Variants in CDC25B observed in about 807,000 individuals in gnomAD.
The protein encoded by CDC25B is cell division cycle 25B, also known as M-phase inducer phosphatase 2.
In CDC25B, 33 loss-of-function variants were observed where a neutral mutation model predicts 69.8. The ratio of observed to expected loss-of-function variants is 0.47; its 90% CI spans 0.36 to 0.63. The LOEUF is 0.63. CDC25B is among the 30% of genes least tolerant of loss of function. The pLI is 0.00. For synonymous variants in CDC25B, 341 were observed against 314.6 expected (o/e 1.08, Z -0.89); for missense variants, 727 against 809.1 (o/e 0.90, Z 1.23).
intron 5 of CDC25B, 110 bp from the exon 6 acceptor site, chr20:3,800,633 G>T: frequency 6.3e-7 from 1 of 1,589,978 alleles, no homozygotes; most frequent in African/African-American, 1.3e-5. Context: ...TTCAGAGGTA[G>T]GTAGGTAAGT....
chr20:3,790,164 AAAAG>A (rs1032997445), intron 1 of CDC25B, among the ~76,000 whole-genome samples: 5 of 152,038 alleles, frequency 3.3e-5, no homozygotes, highest in South Asian at 2.1e-4. Context: ...GAAAGGAGGA[AAAAG>A]AAAGAAGGAA....
At chr20:3,797,860 G>T in intron 2 of CDC25B, 111 bp downstream of exon 2, 10 of 1,331,740 alleles carry the variant, frequency 7.5e-6, no homozygotes, top group South Asian at 1.3e-5. Context: ...CCCACAACCT[G>T]GTGGGCCCAG....
chr20:3,803,544 C>T lies in CDC25B; in HGVS notation c.1490+7C>T, dbSNP rs778155394. On this transcript the variant is annotated splice_region_variant and intron_variant, in intron 14 of 15. Transcript: ENST00000245960. The surrounding 1 kb of genome is among the most constrained non-coding windows in gnomAD (Gnocchi z 4.9). Reference sequence around the variant, plus strand: ...CTGAGCGTGGGCCCCGCATGTGAGTCCCAGCTCCGCCCAGCCAGCTAGTGT... The same window carrying T: ...CTGAGCGTGGGCCCCGCATGTGAGTTCCAGCTCCGCCCAGCCAGCTAGTGT... The T allele has an allele frequency of 1.2e-5, 20 of 1,613,860 alleles. No homozygotes were observed. Among genetic ancestry groups the T allele is most frequent in the Middle Eastern group, 1.7e-4 (1 of 6,060 alleles).
chr20:3,800,208 C>CCAGGA (rs1568506789), intron 3 of CDC25B, 80 bp from the exon 4 acceptor site: 17 of 577,860 alleles, frequency 2.9e-5, no homozygotes, highest in Non-Finnish European at 4.0e-5. Flanking sequence ...CTTACTCCCC[C>CCAGGA]CTGGACTGGG....
intron 3 of CDC25B, among the ~76,000 whole-genome samples, chr20:3,799,588 A>G (rs1345467107): frequency 6.0e-5 from 9 of 150,236 alleles, no homozygotes; most frequent in Non-Finnish European, 1.2e-4. Context: ...AACACGGCTG[A>G]GGGGGCGGGG....
At chr20:3,801,890 G>C (rs756850463) in intron 9 of CDC25B, 34 bp from the exon 10 acceptor site, 1 of 1,592,214 alleles carries the variant, frequency 6.3e-7, no homozygotes, top group Non-Finnish European at 8.6e-7. Context: ...ACGGGGCCTG[G>C]GCACCCTGAT....
In CDC25B at chr20:3,803,414, A is replaced by G; in HGVS notation, c.1367A>G (p.Asn456Ser). The stretch of plus-strand genomic sequence containing the variant: ...TGGCTCCTCTGACAGACTGCGGTGA[A>G]CTTGCCCCTGGAACGCGACGCCGAG... ...YEGGHIKTAVNLPLERDAESF... is the reference protein window; with the variant it reads ...YEGGHIKTAVSLPLERDAESF... The change falls in exon 14 of 16, where the codon AAC (asparagine) becomes AGC (serine). Residue 456 changes from asparagine (N) to serine (S), a missense_variant. Around this residue, in one of 2 missense-constraint regions of CDC25B, gnomAD observed 359 missense variants for 463.4 expected, o/e 0.77. Coordinates refer to ENST00000245960, the MANE Select transcript of CDC25B (RefSeq NM_021873.4). This position sits in a 1 kb window ranked among gnomAD's most constrained non-coding sequence, Gnocchi z 4.9. The G allele has an allele frequency of 6.2e-7, 1 of 1,613,976 alleles. No homozygotes were observed. Among genetic ancestry groups the G allele is most frequent in the Non-Finnish European group, 8.5e-7 (1 of 1,179,976 alleles).
intron 9 of CDC25B, 36 bp from the exon 10 acceptor site, chr20:3,801,888 T>A (rs1211751227): frequency 6.3e-7 from 1 of 1,591,484 alleles, no homozygotes. Flanking sequence ...GGACGGGGCC[T>A]GGGCACCCTG....
chr20:3,794,992 C>T (rs898628533), upstream of CDC25B, among the ~76,000 whole-genome samples: 6 of 152,200 alleles, frequency 3.9e-5, no homozygotes, highest in Non-Finnish European at 8.8e-5. Context: ...CACTACCCAC[C>T]GGCTTTTGGG....
chr20:3,802,267 G>A lies in CDC25B; in HGVS notation c.1099-14G>A. 6.2e-7 allele frequency: 1 copy of A among 1,608,886 alleles called. No homozygotes were observed. Among genetic ancestry groups the A allele is most frequent in the South Asian group, 1.1e-5 (1 of 91,006 alleles). ...CCCACCCTGACCCTGGCCTCCATCTGACTCACTTTCCAGAAAGCCCGCGTC... is the reference window on the plus strand; with the variant it reads ...CCCACCCTGACCCTGGCCTCCATCTAACTCACTTTCCAGAAAGCCCGCGTC... On this transcript the variant is annotated splice_polypyrimidine_tract_variant and intron_variant, in intron 10 of 15. Transcript: ENST00000245960.
intron 8 of CDC25B, 154 bp downstream of exon 8, chr20:3,801,542 T>G: frequency 8.9e-7 from 1 of 1,129,522 alleles, no homozygotes; most frequent in Non-Finnish European, 1.3e-6. Context: ...CTCTGGCCAA[T>G]GAGAGAAGAA....
At chr20:3,797,299 G>A (rs4815605) in intron 1 of CDC25B, among the ~76,000 whole-genome samples, 96,894 of 152,078 alleles carry the variant, frequency 0.64, 31,878 homozygotes, top group African/African-American at 0.81. Flanking sequence ...ACAGTTTAGG[G>A]GAAGGCTCTC....
At chr20:3,794,805 C>G (rs1357248619), upstream of CDC25B, among the ~76,000 whole-genome samples, 2 of 152,166 alleles carry the variant, frequency 1.3e-5, no homozygotes, top group Non-Finnish European at 2.9e-5. Flanking sequence ...CCACCCAGCC[C>G]CCCATCACCA....
At chr20:3,789,905 C>T (rs2088885011) in intron 1 of CDC25B, among the ~76,000 whole-genome samples, 1 of 151,764 alleles carries the variant, frequency 6.6e-6, no homozygotes, top group East Asian at 2.0e-4. Context: ...AGGAGAGTGG[C>T]GTGAACCCGG....
At chr20:3,798,263 T>G in intron 2 of CDC25B, 149 bp from the exon 3 acceptor site, 1 of 478,740 alleles carries the variant, frequency 2.1e-6, no homozygotes. Context: ...TCAGGGTCCA[T>G]GGTTGGGTTT....
rs780896337 is a variant in CDC25B, at chr20:3,801,437, G to A, written c.840+49G>A. The A allele has an allele frequency of 9.6e-5, 148 of 1,543,988 alleles. 2 individuals carry two copies. The highest frequency in any genetic ancestry group is 2.9e-4 in the South Asian group (23 of 80,494). ...CCCCTACCTTCCTATCCCTGGGTTC[G>A]CCCAAAAGAAGAGAGCTCTGAGCCC... On this transcript the variant is annotated intron_variant, in intron 8 of 15. Coordinates refer to ENST00000245960, the MANE Select transcript of CDC25B (RefSeq NM_021873.4).
In CDC25B at chr20:3,800,859, G is replaced by C; in HGVS notation, c.576G>C (p.Lys192Asn). Reference sequence around the variant, plus strand: ...CTGCCAGCAGCTCTGGGGAAGACAAGGAGAATGTGCGCTTCTGGAAGGCCG... The same window carrying C: ...CTGCCAGCAGCTCTGGGGAAGACAACGAGAATGTGCGCTTCTGGAAGGCCG... ...SGAASSSGED[K>N]ENDGFVFKMP... Residue 192 changes from lysine (K) to asparagine (N), a missense_variant, in exon 6 of 16, where the codon AAG becomes AAC. Around this residue, in one of 2 missense-constraint regions of CDC25B, gnomAD observed 368 missense variants for 345.6 expected, o/e 1.06. Coordinates refer to ENST00000245960, the MANE Select transcript of CDC25B (RefSeq NM_021873.4). 1.9e-6 allele frequency: 3 copies of C among 1,613,894 alleles called. No homozygotes were observed. The highest frequency in any genetic ancestry group is 2.5e-6 in the Non-Finnish European group (3 of 1,179,996).
rs561674811 is a variant in CDC25B, at chr20:3,805,290, C to T, written c.*329C>T. 3.1e-5 allele frequency: 11 copies of T among 359,196 alleles called. No homozygotes were observed. The East Asian group carries it at 3.2e-4, about 10-fold the overall frequency. 22.3% of individuals were successfully genotyped at this position (359,196 alleles called of 1,614,324 possible). A position where few individuals can be genotyped will look rare whatever the true frequency, so the allele number is the denominator to read the frequency against. On this transcript the variant is annotated 3_prime_UTR_variant, in exon 16 of 16. Coordinates refer to ENST00000245960, the MANE Select transcript of CDC25B (RefSeq NM_021873.4). ...CCCTTCATCTTCCTGTGTCCTGAAA[C>T]GCTCCTTTGTGTGTGTGTCAGCTGA... is the stretch of plus-strand genomic sequence containing the variant.
rs751768391 is a variant in CDC25B, at chr20:3,797,738, C to A, written c.317C>A (p.Ser106Tyr). 8.7e-6 allele frequency: 14 copies of A among 1,613,964 alleles called. No homozygotes were observed. The highest frequency in any genetic ancestry group is 1.6e-4 in the Middle Eastern group (1 of 6,084). ...ESSLSSESSE[S>Y]SDAGLCMDSP... ...TCCCTGTCGTCTGAATCCTCCGAATCTTCTGATGCAGGTGAGGCCCAGGGG... is the reference window on the plus strand; with the variant it reads ...TCCCTGTCGTCTGAATCCTCCGAATATTCTGATGCAGGTGAGGCCCAGGGG... Residue 106 changes from serine to tyrosine, a missense_variant, in exon 2 of 16, where the codon TCT (serine) becomes TAT (tyrosine). By Grantham distance (144) the Ser-to-Tyr change is moderately radical. Transcript: ENST00000245960.
Sources: allele counts gnomAD v4.1 joint callset (sites outside exome capture counted in the v4.1 genomes callset), GRCh38; gene constraint gnomAD v4.1.1; regional missense constraint gnomAD v4.1.1; non-coding constraint Gnocchi (gnomAD v3.1); transcripts MANE v1.5; gene names NCBI Gene and HGNC (gene_info 2026-07-23, HGNC 2026-07-21).